Variants in RPS6KA2 observed in about 807,000 individuals in gnomAD.
RPS6KA2 encodes the protein ribosomal protein S6 kinase A2.
In RPS6KA2, 42 loss-of-function variants were observed where a neutral mutation model predicts 91.8. That is an observed-to-expected ratio of 0.46 (90% CI 0.36 to 0.59). The LOEUF (loss-of-function observed/expected upper bound fraction) is 0.59. Ranked by LOEUF, RPS6KA2 falls within the 20% of genes least tolerant of loss-of-function variation. RPS6KA2 has a pLI of 0.00. For missense variants in RPS6KA2, 798 were observed against 978.5 expected, an observed-to-expected ratio of 0.82 and a Z score of 2.46; for synonymous variants, 414 against 393.6, an observed-to-expected ratio of 1.05 and a Z score of -0.61.
intron 2 of RPS6KA2, among the ~76,000 whole-genome samples, chr6:166,754,704 C>T (rs1049961805): frequency 1.3e-5 from 2 of 152,188 alleles, no homozygotes; most frequent in East Asian, 1.9e-4. Flanking sequence ...AAGCCTCCCC[C>T]TGCTCCCCAC....
At chr6:166,694,942 T>G (rs1789315638) in intron 2 of RPS6KA2, among the ~76,000 whole-genome samples, 1 of 152,254 alleles carries the variant, frequency 6.6e-6, no homozygotes, top group Non-Finnish European at 1.5e-5. Context: ...TACATAAGTC[T>G]GCTTGTAATA....
At chr6:166,518,213 G>T (rs1444863501) in intron 3 of RPS6KA2, among the ~76,000 whole-genome samples, 1 of 143,472 alleles carries the variant, frequency 7.0e-6, no homozygotes, top group African/African-American at 2.7e-5. Flanking sequence ...CTTGAGCCTG[G>T]GAAGTTGAGG....
At chr6:166,413,144 G>A (rs1370665367) in intron 20 of RPS6KA2, among the ~76,000 whole-genome samples, 1 of 152,120 alleles carries the variant, frequency 6.6e-6, no homozygotes, top group Non-Finnish European at 1.5e-5. Context: ...TGTGCCTTGG[G>A]GGAAAATGTT....
intron 2 of RPS6KA2, among the ~76,000 whole-genome samples, chr6:166,769,068 C>G (rs1166555133): frequency 1.3e-5 from 2 of 152,128 alleles, no homozygotes; most frequent in African/African-American, 4.8e-5. Flanking sequence ...TAGGAAGGAA[C>G]GACTCTCCAA....
intron 2 of RPS6KA2, among the ~76,000 whole-genome samples, chr6:166,689,716 C>T (rs530811925): frequency 2.0e-5 from 3 of 152,282 alleles, no homozygotes; most frequent in African/African-American, 4.8e-5. Flanking sequence ...AAATGTCCCC[C>T]TATTTCATAG....
intron 1 of RPS6KA2, among the ~76,000 whole-genome samples, chr6:166,605,349 TA>T (rs1447934182): frequency 1.3e-5 from 2 of 152,056 alleles, no homozygotes; most frequent in African/African-American, 4.8e-5. Context: ...ACGAGCTCCT[TA>T]AAAGGCATCC....
At chr6:166,840,069 T>C (rs1185867808) in intron 2 of RPS6KA2, among the ~76,000 whole-genome samples, 1 of 151,898 alleles carries the variant, frequency 6.6e-6, no homozygotes, top group East Asian at 1.9e-4. Context: ...TTGCAGGAAG[T>C]AAAAATTTGA....
At chr6:166,689,386 G>A (rs1035685493) in intron 2 of RPS6KA2, among the ~76,000 whole-genome samples, 4 of 152,230 alleles carry the variant, frequency 2.6e-5, no homozygotes, top group Admixed American at 2.0e-4. Context: ...ATATGTGTGC[G>A]TGGCTTCCCA....
In RPS6KA2 at chr6:166,459,457, G is replaced by A. The variant is rs748224061; in HGVS notation, c.1067C>T (p.Thr356Met). 79 of 1,612,596 alleles carry A rather than the reference G, an allele frequency of 4.9e-5. No individual in the cohort carries two copies. The Middle Eastern group carries it at 4.9e-4, about 10-fold the overall frequency. ...ACCACTGTGGCACACACCTGTGGGCGTCCGCGCTGTGAACTCGGGGTCAAA... is the reference window on the plus strand; with the variant it reads ...ACCACTGTGGCACACACCTGTGGGCATCCGCGCTGTGAACTCGGGGTCAAA... ...FHFDPEFTAR[T>M]PTDSPGVPPS... The change falls in exon 12 of 21, where the codon ACG becomes ATG. Residue 356 changes from threonine to methionine, a missense_variant. By Grantham distance (81) the Thr-to-Met change is moderately conservative. Transcript: ENST00000265678. The surrounding 1 kb of genome is among the most constrained non-coding windows in gnomAD (Gnocchi z 4.9).
chr6:166,577,411 G>A (rs905854108), intron 1 of RPS6KA2, among the ~76,000 whole-genome samples: 2 of 152,232 alleles, frequency 1.3e-5, no homozygotes, highest in Non-Finnish European at 2.9e-5. Flanking sequence ...GAAGGAGGCT[G>A]TACCCTGCAA....
intron 11 of RPS6KA2, among the ~76,000 whole-genome samples, chr6:166,461,078 C>T (rs1562509324): frequency 6.6e-6 from 1 of 152,026 alleles, no homozygotes; most frequent in South Asian, 2.1e-4. Context: ...CAGACGCCCC[C>T]GAGCTCCCCC....
chr6:166,731,966 TA>T (rs1482354951), intron 2 of RPS6KA2, among the ~76,000 whole-genome samples: 1 of 152,154 alleles, frequency 6.6e-6, no homozygotes, highest in Non-Finnish European at 1.5e-5. Context: ...CATTATTTAA[TA>T]AATATTCTTT....
rs1790577933 is a variant in RPS6KA2, at chr6:166,733,094, G to A, written c.123+125106C>T. On this transcript the variant is annotated intron_variant, in intron 2 of 21. Transcript: ENST00000503859. This position sits in a 1 kb window ranked among gnomAD's most constrained non-coding sequence, Gnocchi z 4.1. ...CTAAGGGTGAGATGCTCTGCCCCCT[G>A]TGGATCGAGCCTACCCTGTACTCAG... is the stretch of plus-strand genomic sequence containing the variant. Among the ~76,000 whole-genome samples, 1 of 152,184 alleles carries A rather than the reference G, an allele frequency of 6.6e-6. No individual in the cohort carries two copies.
chr6:166,787,289 G>A (rs990023433), intron 2 of RPS6KA2, among the ~76,000 whole-genome samples: 5 of 152,106 alleles, frequency 3.3e-5, no homozygotes, highest in Non-Finnish European at 7.4e-5. Flanking sequence ...TTATGGTACA[G>A]CTATATGATG....
intron 2 of RPS6KA2, among the ~76,000 whole-genome samples, chr6:166,741,153 T>C (rs897908533): frequency 1.3e-5 from 2 of 152,212 alleles, no homozygotes; most frequent in Non-Finnish European, 2.9e-5. Flanking sequence ...ATAATTCCAT[T>C]GATGAGACTT....
chr6:166,625,503 A>C (rs375299833), intron 1 of RPS6KA2, among the ~76,000 whole-genome samples: 1 of 152,086 alleles, frequency 6.6e-6, no homozygotes, highest in Non-Finnish European at 1.5e-5. Flanking sequence ...CAATGCCTGG[A>C]GTGTGCTCAC....
At chr6:166,457,760 T>C (rs754337334) in intron 12 of RPS6KA2, among the ~76,000 whole-genome samples, 10 of 152,138 alleles carry the variant, frequency 6.6e-5, no homozygotes, top group Non-Finnish European at 1.2e-4. Context: ...CCCTCCTCAA[T>C]GTGTTCATCT....
chr6:166,608,762 C>T (rs945801230), intron 1 of RPS6KA2, among the ~76,000 whole-genome samples: 2 of 152,098 alleles, frequency 1.3e-5, no homozygotes, highest in African/African-American at 4.8e-5. Context: ...TTTTAGGGCT[C>T]CAGTCCTGGC....
chr6:166,415,063 T>TCAAA (rs553452457), intron 19 of RPS6KA2, among the ~76,000 whole-genome samples: 1,633 of 152,214 alleles, frequency 0.011, 23 homozygotes, highest in African/African-American at 0.037. Context: ...AGAGTCCATC[T>TCAAA]CAAACAAACA....
Sources: allele counts gnomAD v4.1 joint callset (sites outside exome capture counted in the v4.1 genomes callset), GRCh38; gene constraint gnomAD v4.1.1; non-coding constraint Gnocchi (gnomAD v3.1); transcripts MANE v1.5; gene names NCBI Gene and HGNC (gene_info 2026-07-23, HGNC 2026-07-21).